The following PI4KA variants were observed in gnomAD, a reference collection of about 807,000 sequenced individuals.
The protein encoded by PI4KA is PI4-kinase alpha.
Under a neutral mutation model 271.4 loss-of-function variants are expected in PI4KA, and 122 were observed. The observed-to-expected ratio is 0.45, with a 90% CI of 0.39 to 0.52. The LOEUF is 0.52. Among genes scored for constraint, PI4KA ranks in the 20% least tolerant of loss-of-function variants. PI4KA has a pLI of 0.00. For missense variants in PI4KA, 1,969 were observed against 2,769.1 expected, an observed-to-expected ratio of 0.71 and a Z score of 6.48; for synonymous variants, 1,041 against 1,078.8, an observed-to-expected ratio of 0.96 and a Z score of 0.69.
At chr22:20,732,942 C>T (rs779084404) in intron 36 of PI4KA, 29 bp downstream of exon 36, 1 of 1,610,824 alleles carries the variant, frequency 6.2e-7, no homozygotes, top group African/African-American at 1.3e-5. Flanking sequence ...CCTGCCTCCA[C>T]CATGAGCAGC....
chr22:20,857,332 G>A (rs1300975723), intron 1 of PI4KA, among the ~76,000 whole-genome samples: 2 of 152,110 alleles, frequency 1.3e-5, no homozygotes, highest in African/African-American at 2.4e-5. Context: ...CCAATCTGCC[G>A]GGACCTTCTC....
intron 2 of PI4KA, 140 bp downstream of exon 2, chr22:20,838,475 A>G: frequency 1.7e-6 from 1 of 598,200 alleles, no homozygotes. Context: ...ACCTTGTCCT[A>G]CCCTCTCCAC....
chr22:20,833,514 C>T (rs1326184636), intron 3 of PI4KA, among the ~76,000 whole-genome samples: 1 of 152,146 alleles, frequency 6.6e-6, no homozygotes, highest in Non-Finnish European at 1.5e-5. Flanking sequence ...GCAGTGGTAG[C>T]ACAGAGTTAG....
In PI4KA at chr22:20,799,785, C is replaced by A. The variant is rs1413774479; in HGVS notation, c.1725-19G>T. 1.3e-6 allele frequency: 2 copies of A among 1,482,802 alleles called. No homozygotes were observed. The highest frequency in any genetic ancestry group is 1.8e-6 in the Non-Finnish European group (2 of 1,087,714). 91.9% of individuals were successfully genotyped at this position (1,482,802 alleles called of 1,614,324 possible). On this transcript the variant is annotated intron_variant, in intron 14 of 54. Transcript: ENST00000255882. The stretch of plus-strand genomic sequence containing the variant: ...CAGGCACCTGAGGAGCAAGAAAACC[C>A]ATGTGGCACTGAGGCATCAAACCAA...
intron 9 of PI4KA, 38 bp from the exon 10 acceptor site, chr22:20,807,496 A>T: frequency 8.1e-7 from 1 of 1,238,170 alleles, no homozygotes; most frequent in Non-Finnish European, 1.2e-6. Context: ...ATAGAACAGA[A>T]ATGCCCTTCT....
chr22:20,751,280 G>C lies in PI4KA; in HGVS notation c.3153+13C>G, dbSNP rs750859472. The C allele has an allele frequency of 1.2e-6, 2 of 1,606,542 alleles. No homozygotes were observed. The highest frequency in any genetic ancestry group is 1.7e-5 in the Admixed American group (1 of 59,900). ...AAGATGGCCCTTAGTGCAGGGGATC[G>C]TGTCGGGCCTACCTCACGGGCTTCG... On this transcript the variant is annotated intron_variant, in intron 27 of 54. Transcript: ENST00000255882.
At chr22:20,831,819 G>C (rs566911201) in intron 3 of PI4KA, among the ~76,000 whole-genome samples, 1 of 152,002 alleles carries the variant, frequency 6.6e-6, no homozygotes, top group Non-Finnish European at 1.5e-5. Flanking sequence ...TTCTTGTGTA[G>C]TATTTCATAG....
intron 19 of PI4KA, among the ~76,000 whole-genome samples, chr22:20,773,372 C>T (rs550433689): frequency 1.1e-4 from 16 of 152,170 alleles, no homozygotes; most frequent in South Asian, 4.2e-4. Context: ...GGCAGCAGCG[C>T]GAAACTCTGT....
chr22:20,793,696 G>A (rs907984169), intron 18 of PI4KA, among the ~76,000 whole-genome samples: 1 of 152,210 alleles, frequency 6.6e-6, no homozygotes, highest in Admixed American at 6.5e-5. Flanking sequence ...ATATATCTGA[G>A]TCAAGGGATA....
At chr22:20,798,415 A>G in intron 17 of PI4KA, 169 bp downstream of exon 17, 1 of 603,836 alleles carries the variant, frequency 1.7e-6, no homozygotes, top group East Asian at 2.8e-5. Flanking sequence ...GGTCACCTCC[A>G]GGTGGGGGCC....
In PI4KA at chr22:20,733,105, A is replaced by G. The variant is rs1318737824; in HGVS notation, c.4161-7T>C. 6.2e-7 allele frequency: 1 copy of G among 1,611,864 alleles called. No homozygotes were observed. Among genetic ancestry groups the G allele is most frequent in the Non-Finnish European group, 8.5e-7 (1 of 1,179,818 alleles). ...AGGGAACTTTGGGGGACAGCTTCAA[A>G]CAACCATAAGAGGACAAGGGCTGAG... On this transcript the variant is annotated splice_polypyrimidine_tract_variant and splice_region_variant and intron_variant, in intron 35 of 54. Coordinates refer to ENST00000255882, the MANE Select transcript of PI4KA (RefSeq NM_058004.4).
intron 1 of PI4KA, among the ~76,000 whole-genome samples, chr22:20,850,914 G>C (rs1926887260): frequency 6.6e-6 from 1 of 152,024 alleles, no homozygotes; most frequent in Non-Finnish European, 1.5e-5. Context: ...GGTACAATGT[G>C]CGTGCCTGTA....
chr22:20,764,989 C>T, intron 21 of PI4KA, 39 bp from the exon 22 acceptor site: 1 of 1,588,252 alleles, frequency 6.3e-7, no homozygotes, highest in Non-Finnish European at 8.6e-7. Context: ...ATGGGGCATC[C>T]CCCAGGACAA....
chr22:20,825,056 T>A (rs1447879438), intron 3 of PI4KA, among the ~76,000 whole-genome samples: 1 of 72,842 alleles, frequency 1.4e-5, no homozygotes, highest in African/African-American at 5.7e-5. Flanking sequence ...GGTGACAGAA[T>A]GAGACGCCAT....
intron 25 of PI4KA, among the ~76,000 whole-genome samples, chr22:20,752,611 G>A (rs1340841641): frequency 6.6e-6 from 1 of 152,196 alleles, no homozygotes; most frequent in African/African-American, 2.4e-5. Context: ...CTAGAAGATG[G>A]TGCACCAGGT....
chr22:20,819,733 C>T lies in PI4KA; in HGVS notation c.697G>A (p.Asp233Asn), dbSNP rs758761713. The T allele has an allele frequency of 1.2e-6, 2 of 1,614,070 alleles. No individual in the cohort carries two copies. Among genetic ancestry groups the T allele is most frequent in the Non-Finnish European group, 1.7e-6 (2 of 1,179,988 alleles). ...TTGCTGGGGAGGATGGAGCGGAAGT[C>T]ATTAAAGGAACGCCTTCGAACACCT... ...LEGVRRRSFNDFRSILPSNLL... is the reference protein window; with the variant it reads ...LEGVRRRSFNNFRSILPSNLL... Residue 233 changes from aspartate to asparagine, a missense_variant, in exon 6 of 55, where the codon GAC (aspartate) becomes AAC (asparagine). Transcript: ENST00000255882.
Position 20,811,045 on chromosome 22 carries a change from C to T in PI4KA, c.1006-13G>A. On this transcript the variant is annotated splice_polypyrimidine_tract_variant and intron_variant, in intron 8 of 54. Coordinates refer to ENST00000255882, the MANE Select transcript of PI4KA (RefSeq NM_058004.4). Reference sequence around the variant, plus strand: ...CGATCTTCTTCACCTACCAAGGAAACAGAACCTCATGAAGCAACTGACATA... The same window carrying T: ...CGATCTTCTTCACCTACCAAGGAAATAGAACCTCATGAAGCAACTGACATA... 2 of 1,606,096 alleles carry T rather than the reference C, an allele frequency of 1.2e-6. No homozygotes were observed. Among genetic ancestry groups the T allele is most frequent in the South Asian group, 2.2e-5 (2 of 90,904 alleles).
intron 19 of PI4KA, among the ~76,000 whole-genome samples, chr22:20,789,416 G>A (rs547764155): frequency 2.6e-4 from 40 of 152,232 alleles, no homozygotes; most frequent in African/African-American, 8.4e-4. Context: ...TGCAACCTCC[G>A]CCTCCTGGGT....
rs376166160 is a variant in PI4KA at position 20,722,685 on chromosome 22, AGG to A, written c.4996-1269_4996-1268del. ...AACTCCAGTTTTAATTCCATGCCCT[AGG>A]TTTAAAAAGGTGAGCTGGCCTTTCT... On this transcript the variant is annotated intron_variant, in intron 42 of 54. Transcript: ENST00000255882. Among the ~76,000 whole-genome samples the A allele has an allele frequency of 1.0e-3, 156 of 152,288 alleles. 1 individual carries two copies. The highest frequency in any genetic ancestry group is 3.5e-3 in the African/African-American group (146 of 41,562).
Sources: allele counts gnomAD v4.1 joint callset (sites outside exome capture counted in the v4.1 genomes callset), GRCh38; gene constraint gnomAD v4.1.1; transcripts MANE v1.5; gene names NCBI Gene and HGNC (gene_info 2026-07-23, HGNC 2026-07-21).